The following TSHR variants were observed in gnomAD, a reference collection of about 807,000 sequenced individuals.
TSHR encodes thyroid stimulating hormone receptor, also known as thyrotropin receptor.
TSHR carries 51 observed loss-of-function variants against 64.1 expected under a neutral mutation model. That is an observed-to-expected ratio of 0.80 (90% CI 0.64 to 1.01). The LOEUF is 1.01. TSHR is among the 50% of genes least tolerant of loss of function. The probability of loss-of-function intolerance (pLI) is 0.00; values close to 1 mark genes in which losing one functional copy is unlikely to be tolerated. For synonymous variants in TSHR, 361 were observed against 361.9 expected (o/e 1.00, Z 0.03); for missense variants, 877 against 942.8 (o/e 0.93, Z 0.91).
At chr14:80,973,429 A>AAAAAAAAAAAC (rs1566743346) in intron 1 of TSHR, among the ~76,000 whole-genome samples, 2 of 146,234 alleles carry the variant, frequency 1.4e-5, no homozygotes, top group African/African-American at 2.5e-5. Context: ...AAAAAAAAAA[A>AAAAAAAAAAAC]TCTGTGTACT....
intron 1 of TSHR, chr14:81,012,555 C>G (rs1459486509): frequency 1.3e-5 from 2 of 151,408 alleles, no homozygotes; most frequent in Non-Finnish European, 3.0e-5. Context: ...ACAGTCCCAC[C>G]AACAGTGTAA....
At chr14:81,021,930 A>G (rs1343302414) in intron 1 of TSHR, among the ~76,000 whole-genome samples, 2 of 152,168 alleles carry the variant, frequency 1.3e-5, no homozygotes, top group African/African-American at 4.8e-5. Context: ...TAGTTGGCAC[A>G]TGGCATCCAA....
intron 1 of TSHR, among the ~76,000 whole-genome samples, chr14:80,997,843 G>C (rs1889104746): frequency 6.6e-6 from 1 of 152,176 alleles, no homozygotes; most frequent in African/African-American, 2.4e-5. Context: ...CCAATCCCCA[G>C]GTAGCTGTCG....
At chr14:81,109,520 A>G (rs1890132628) in intron 8 of TSHR, among the ~76,000 whole-genome samples, 1 of 152,230 alleles carries the variant, frequency 6.6e-6, no homozygotes, top group Admixed American at 6.5e-5. Flanking sequence ...TAGAGGTTCT[A>G]TTTATACTTA....
chr14:81,142,633 G>C lies in TSHR; in HGVS notation c.882-307G>C, dbSNP rs1294198045. Among the ~76,000 whole-genome samples the C allele has an allele frequency of 3.4e-5, 5 of 146,082 alleles. No homozygotes were observed. The South Asian group carries it at 1.1e-3, about 32-fold the overall frequency. The stretch of plus-strand genomic sequence containing the variant: ...TTTTTTTTTTTTTTTTTTTGAGACA[G>C]GGTCTCACTCTGTCATCCAGGCTAG... On this transcript the variant is annotated intron_variant, in intron 9 of 9. Transcript: ENST00000298171.
chr14:80,994,540 CA>C (rs1231049467), intron 1 of TSHR: 2 of 152,058 alleles, frequency 1.3e-5, no homozygotes, highest in Non-Finnish European at 2.9e-5. Flanking sequence ...ACACATAGAC[CA>C]ATGGAACAGA....
chr14:80,999,935 C>CTTTTTTTTTTTTT (rs557662208), intron 1 of TSHR, among the ~76,000 whole-genome samples: 1 of 136,352 alleles, frequency 7.3e-6, no homozygotes, highest in African/African-American at 2.7e-5. Flanking sequence ...TCTTTTTTTT[C>CTTTTTTTTTTTTT]TTTTTTTTTT....
chr14:81,127,981 A>G (rs915352589), intron 8 of TSHR, among the ~76,000 whole-genome samples: 2 of 152,264 alleles, frequency 1.3e-5, no homozygotes, highest in Admixed American at 1.3e-4. Flanking sequence ...TGACTCACCA[A>G]CTTACAGGAT....
intron 1 of TSHR, among the ~76,000 whole-genome samples, chr14:81,044,507 A>G (rs1032421042): frequency 4.6e-5 from 7 of 152,034 alleles, no homozygotes; most frequent in Admixed American, 1.3e-4. Flanking sequence ...AAACACAAAA[A>G]ATTATCCAGG....
At chr14:81,094,679 ATTTTTTTTTT>A (rs1162262371) in intron 6 of TSHR, among the ~76,000 whole-genome samples, 52 of 76,266 alleles carry the variant, frequency 6.8e-4, no homozygotes, top group African/African-American at 2.8e-3. Flanking sequence ...TATTTTTTTA[ATTTTTTTTTT>A]TTTTTTTTTT....
chr14:80,968,134 G>T (rs550649627), intron 1 of TSHR, among the ~76,000 whole-genome samples: 2 of 152,268 alleles, frequency 1.3e-5, no homozygotes, highest in South Asian at 4.1e-4. Flanking sequence ...GAGGTGTGTG[G>T]TACAGGGCTG....
At chr14:81,050,765 G>A (rs1566780527) in intron 1 of TSHR, 1 of 152,064 alleles carries the variant, frequency 6.6e-6, no homozygotes, top group Non-Finnish European at 1.5e-5. Flanking sequence ...TACATTGTGG[G>A]ATGATCAAAT....
At chr14:81,067,437 A>G (rs555637206) in intron 2 of TSHR, among the ~76,000 whole-genome samples, 26 of 150,162 alleles carry the variant, frequency 1.7e-4, no homozygotes, top group African/African-American at 5.6e-4. Context: ...TCACCCAAAG[A>G]ACTGGAAATT....
At chr14:81,072,665 AGATT>A (rs1292755297) in intron 3 of TSHR, among the ~76,000 whole-genome samples, 1 of 152,142 alleles carries the variant, frequency 6.6e-6, no homozygotes, top group African/African-American at 2.4e-5. Context: ...TAAAATACAA[AGATT>A]GATTGCTGAA....
chr14:81,011,822 T>G (rs2139777949), intron 1 of TSHR, among the ~76,000 whole-genome samples: 1 of 152,210 alleles, frequency 6.6e-6, no homozygotes, highest in South Asian at 2.1e-4. Flanking sequence ...ATCGCGCCAC[T>G]GCACTCCAGA....
At chr14:81,104,921 T>A (rs1277006361) in intron 7 of TSHR, 2 of 985,326 alleles carry the variant, frequency 2.0e-6, no homozygotes, top group African/African-American at 3.5e-5. Context: ...ATGTCTATCT[T>A]ATTTTTAAAG....
chr14:81,108,674 C>A (rs1194074575), intron 8 of TSHR: 4 of 1,613,996 alleles, frequency 2.5e-6, no homozygotes, highest in Admixed American at 3.3e-5. Context: ...TCCAGTATGC[C>A]ATCATGATGC....
chr14:81,019,102 A>G (rs886689820), intron 1 of TSHR, among the ~76,000 whole-genome samples: 12 of 152,184 alleles, frequency 7.9e-5, no homozygotes, highest in Admixed American at 7.9e-4. Context: ...CAGACATATG[A>G]TAAATCATAT....
At position 81,025,454 on chromosome 14, in the gene TSHR, A is replaced by T. The variant is rs199667487; in HGVS notation, c.171-36694A>T. Among the ~76,000 whole-genome samples, 15 of 127,402 alleles carry T rather than the reference A, an allele frequency of 1.2e-4. No individual in the cohort carries two copies. In the East Asian group the frequency reaches 1.2e-3, roughly 10 times the overall value. 83.6% of individuals were successfully genotyped at this position (127,402 alleles called of 152,430 possible). On this transcript the variant is annotated intron_variant, in intron 1 of 9. Coordinates refer to ENST00000298171, the MANE Select transcript of TSHR (RefSeq NM_000369.5). ...GATAAATCAGTATAAATATGTAGTT[A>T]TTTTTTTTTTAACATGAGAAGAGAT...
Sources: gnomAD v4.1 joint callset for allele counts (sites outside exome capture counted in the v4.1 genomes callset) on GRCh38, gnomAD v4.1.1 for gene constraint, MANE v1.5 for transcripts, NCBI Gene and HGNC (gene_info 2026-07-23, HGNC 2026-07-21) for gene names.